Variants in PDSS2 observed in about 807,000 individuals in gnomAD.
PDSS2 encodes the protein decaprenyl diphosphate synthase subunit 2, also known as all trans-polyprenyl-diphosphate synthase PDSS2.
PDSS2 carries 31 observed loss-of-function variants against 44.5 expected under a neutral mutation model. The observed-to-expected ratio is 0.70, with a 90% CI of 0.52 to 0.94. PDSS2 has a LOEUF of 0.94. Among genes scored for constraint, PDSS2 ranks in the 40% least tolerant of loss-of-function variants. PDSS2 has a pLI of 0.00. For missense variants in PDSS2, 452 were observed against 482.2 expected, an observed-to-expected ratio of 0.94 and a Z score of 0.59; for synonymous variants, 157 against 180.3, an observed-to-expected ratio of 0.87 and a Z score of 1.03.
intron 1 of PDSS2, among the ~76,000 whole-genome samples, chr6:107,408,794 T>G (rs1780401514): frequency 6.6e-6 from 1 of 152,200 alleles, no homozygotes; most frequent in Non-Finnish European, 1.5e-5. Flanking sequence ...CTCTAAAAGC[T>G]GAGCAAAATG....
chr6:107,367,885 G>C (rs1309132716), intron 1 of PDSS2, among the ~76,000 whole-genome samples: 1 of 151,762 alleles, frequency 6.6e-6, no homozygotes, highest in Non-Finnish European at 1.5e-5. Context: ...TCATCTATGT[G>C]GAAAATACTA....
At chr6:107,318,999 T>TAC (rs1376802581) in intron 2 of PDSS2, among the ~76,000 whole-genome samples, 1 of 97,290 alleles carries the variant, frequency 1.0e-5, no homozygotes, top group African/African-American at 3.1e-5. Flanking sequence ...AAAGAAAATA[T>TAC]ATATATATAC....
chr6:107,364,949 G>A (rs1458670853), intron 1 of PDSS2, among the ~76,000 whole-genome samples: 1 of 152,172 alleles, frequency 6.6e-6, no homozygotes, highest in Non-Finnish European at 1.5e-5. Flanking sequence ...CCTGGGGGAG[G>A]CGGGGAAGGC....
intron 1 of PDSS2, among the ~76,000 whole-genome samples, chr6:107,432,680 C>G (rs1781228565): frequency 6.6e-6 from 1 of 152,152 alleles, no homozygotes; most frequent in African/African-American, 2.4e-5. Flanking sequence ...ATCGCTTGAA[C>G]CCAGGAGGTG....
intron 1 of PDSS2, among the ~76,000 whole-genome samples, chr6:107,427,854 C>G (rs1032476403): frequency 6.6e-6 from 1 of 152,192 alleles, no homozygotes; most frequent in South Asian, 2.1e-4. Flanking sequence ...ATTATTTCTA[C>G]AAATCCCAAC....
chr6:107,237,089 A>G (rs1774250894), intron 4 of PDSS2, among the ~76,000 whole-genome samples: 1 of 151,302 alleles, frequency 6.6e-6, no homozygotes, highest in Admixed American at 6.6e-5. Flanking sequence ...GCATACCACC[A>G]TGTCTGGTTA....
At chr6:107,250,282 A>G (rs1440533749) in intron 3 of PDSS2, among the ~76,000 whole-genome samples, 1 of 152,118 alleles carries the variant, frequency 6.6e-6, no homozygotes, top group Non-Finnish European at 1.5e-5. Flanking sequence ...TATGAAAGGT[A>G]TTTTAAAAAC....
intron 2 of PDSS2, among the ~76,000 whole-genome samples, chr6:107,314,187 T>G (rs1737056701): frequency 6.6e-6 from 1 of 152,120 alleles, no homozygotes; most frequent in Admixed American, 6.6e-5. Flanking sequence ...AGCTTTTTCA[T>G]ATTGTCAATT....
intron 1 of PDSS2, among the ~76,000 whole-genome samples, chr6:107,429,881 T>G (rs1255121496): frequency 1.0e-4 from 1 of 9,574 alleles, no homozygotes; most frequent in Non-Finnish European, 3.5e-4. Context: ...CAAAACTTAG[T>G]CTCAAAAAAA....
At chr6:107,452,478 T>C (rs1443523088) in intron 1 of PDSS2, among the ~76,000 whole-genome samples, 3 of 152,008 alleles carry the variant, frequency 2.0e-5, no homozygotes, top group African/African-American at 7.2e-5. Flanking sequence ...GTGATCCACC[T>C]GCCTCGGCCT....
chr6:107,340,919 C>G (rs1435303413), intron 1 of PDSS2, among the ~76,000 whole-genome samples: 1 of 152,212 alleles, frequency 6.6e-6, no homozygotes, highest in Non-Finnish European at 1.5e-5. Flanking sequence ...AACAGACAAC[C>G]TAAAGAGTGA....
chr6:107,447,607 G>A (rs1159242205), intron 1 of PDSS2, among the ~76,000 whole-genome samples: 1 of 152,226 alleles, frequency 6.6e-6, no homozygotes, highest in African/African-American at 2.4e-5. Context: ...CTGCCCCTGT[G>A]GCTTTGCAGG....
chr6:107,249,277 G>A (rs17269207), intron 3 of PDSS2, among the ~76,000 whole-genome samples: 23,961 of 152,098 alleles, frequency 0.16, 2,388 homozygotes, highest in East Asian at 0.25. Context: ...TACAAGCCTT[G>A]CGTAGATGAA....
chr6:107,200,172 A>G (rs1772719846), intron 6 of PDSS2, among the ~76,000 whole-genome samples: 1 of 152,210 alleles, frequency 6.6e-6, no homozygotes, highest in Admixed American at 6.5e-5. Context: ...GGCCTTGTCT[A>G]CTGATTACAG....
At chr6:107,446,044 G>T (rs1037059373) in intron 1 of PDSS2, among the ~76,000 whole-genome samples, 2 of 152,050 alleles carry the variant, frequency 1.3e-5, no homozygotes, top group African/African-American at 4.8e-5. Flanking sequence ...TTGGCCAGGC[G>T]CGGTGGCTCA....
intron 2 of PDSS2, among the ~76,000 whole-genome samples, chr6:107,319,093 G>T (rs1777304024): frequency 6.6e-6 from 1 of 151,924 alleles, no homozygotes; most frequent in African/African-American, 2.4e-5. Context: ...AAAAGAATGT[G>T]CAATTACTAA....
rs114401498 is a variant in PDSS2 at position 107,248,600 on chromosome 6, G to A, written c.631-2981C>T. On this transcript the variant is annotated intron_variant, in intron 3 of 7. Coordinates refer to ENST00000369037, the MANE Select transcript of PDSS2 (RefSeq NM_020381.4). ...CAAGGTCTACTAATAATTTGATTGT[G>A]AGATTTGGGCAAATCAATTTTTCTG... 2.5e-3 allele frequency among the ~76,000 whole-genome samples: 370 copies of A among 150,322 alleles called. 3 individuals are homozygous for A. The highest frequency in any genetic ancestry group is 8.7e-3 in the African/African-American group (356 of 40,978).
chr6:107,352,352 CAAAGA>C (rs1778457935), intron 1 of PDSS2, among the ~76,000 whole-genome samples: 1 of 152,138 alleles, frequency 6.6e-6, no homozygotes, highest in African/African-American at 2.4e-5. Context: ...TGAATACATG[CAAAGA>C]ATATGGACTT....
chr6:107,455,518 G>A (rs1171007950), intron 1 of PDSS2, among the ~76,000 whole-genome samples: 5 of 151,952 alleles, frequency 3.3e-5, no homozygotes, highest in African/African-American at 1.2e-4. Context: ...TACGTTGGGA[G>A]GCGGAGGTGG....
Sources: allele counts gnomAD v4.1 joint callset (sites outside exome capture counted in the v4.1 genomes callset), GRCh38; gene constraint gnomAD v4.1.1; transcripts MANE v1.5; gene names NCBI Gene and HGNC (gene_info 2026-07-23, HGNC 2026-07-21).